The following RNF216 variants were observed in gnomAD, a reference collection of about 807,000 sequenced individuals.
RNF216 encodes ring finger protein 216, also known as E3 ubiquitin-protein ligase RNF216.
In RNF216, 72 loss-of-function variants were observed where a neutral mutation model predicts 110.8. The ratio of observed to expected loss-of-function variants is 0.65; its 90% confidence interval spans 0.54 to 0.79. The LOEUF (loss-of-function observed/expected upper bound fraction) is 0.79, where lower values mean the gene tolerates loss of function less well. RNF216 is among the 30% of genes least tolerant of loss of function. The pLI, the probability that RNF216 is intolerant of heterozygous loss-of-function variation, is 0.00. For missense variants in RNF216, 1,342 were observed against 1,141.2 expected (o/e 1.18, Z -2.54); for synonymous variants, 495 against 407.5 (o/e 1.21, Z -2.59).
chr7:5,664,296 G>T (rs776454316), intron 13 of RNF216, among the ~76,000 whole-genome samples: 1 of 152,074 alleles, frequency 6.6e-6, no homozygotes, highest in Non-Finnish European at 1.5e-5. Flanking sequence ...GACCCTTTCA[G>T]GTTAATTCAT....
chr7:5,710,964 A>T (rs1195931822), intron 13 of RNF216, among the ~76,000 whole-genome samples: 1 of 152,228 alleles, frequency 6.6e-6, no homozygotes, highest in Non-Finnish European at 1.5e-5. Flanking sequence ...TAATGCTGAA[A>T]ACAAAAGAAA....
chr7:5,678,797 T>C (rs1790470112), intron 13 of RNF216, among the ~76,000 whole-genome samples: 1 of 152,182 alleles, frequency 6.6e-6, no homozygotes, highest in African/African-American at 2.4e-5. Context: ...ACGGAGCAGA[T>C]TTCTCGACTC....
Position 5,715,151 on chromosome 7 carries a change from A to C in RNF216, c.1735T>G (p.Phe579Val). Reference sequence around the variant, plus strand: ...CACTGCGTCAGCTCCTCGAATGGAAATTCCCCATAGCAGCAGCGACACTCA... The same window carrying C: ...CACTGCGTCAGCTCCTCGAATGGAACTTCCCCATAGCAGCAGCGACACTCA... ...LIECRCCYGE[F>V]PFEELTQCAD... is the part of the protein sequence containing the mutation. The change falls in exon 11 of 17, where the codon TTT (phenylalanine) becomes GTT (valine). Residue 579 changes from phenylalanine (F) to valine (V), a missense_variant. Transcript: ENST00000389902. 6.2e-7 allele frequency: 1 copy of C among 1,613,856 alleles called. No homozygotes were observed. The highest frequency in any genetic ancestry group is 8.5e-7 in the Non-Finnish European group (1 of 1,180,012).
intron 10 of RNF216, among the ~76,000 whole-genome samples, chr7:5,715,688 T>C (rs1297811990): frequency 2.0e-5 from 3 of 152,032 alleles, no homozygotes; most frequent in South Asian, 2.1e-4. Flanking sequence ...TACCAGGCTA[T>C]TGACTCCTTT....
chr7:5,713,710 C>G (rs1792865705), intron 11 of RNF216, among the ~76,000 whole-genome samples: 1 of 152,168 alleles, frequency 6.6e-6, no homozygotes, highest in African/African-American at 2.4e-5. Context: ...AGGAATGCTT[C>G]CCACATGAAA....
Position 5,624,796 on chromosome 7 carries a change from G to A in RNF216, c.2383-671C>T, listed in dbSNP as rs1786605208. 6.6e-6 allele frequency among the ~76,000 whole-genome samples: 1 copy of A among 152,242 alleles called. No homozygotes were observed. Among genetic ancestry groups the A allele is most frequent in the African/African-American group, 2.4e-5 (1 of 41,472 alleles). On this transcript the variant is annotated intron_variant, in intron 15 of 16. Transcript: ENST00000389902. This position sits in a 1 kb window ranked among gnomAD's most constrained non-coding sequence, Gnocchi z 4.4. ...GAACCGAAGAGGCACTGTGAGTGCAGGCAGATGTGGGAGCTGTGCTGGGAA... is the reference window on the plus strand; with the variant it reads ...GAACCGAAGAGGCACTGTGAGTGCAAGCAGATGTGGGAGCTGTGCTGGGAA...
At chr7:5,773,073 C>G (rs1241227559) in intron 1 of RNF216, among the ~76,000 whole-genome samples, 1 of 152,098 alleles carries the variant, frequency 6.6e-6, no homozygotes, top group Non-Finnish European at 1.5e-5. Flanking sequence ...AGCCACCATG[C>G]CTGGCCCCAG....
intron 13 of RNF216, among the ~76,000 whole-genome samples, chr7:5,697,508 G>T (rs1048186733): frequency 6.6e-6 from 1 of 152,182 alleles, no homozygotes; most frequent in African/African-American, 2.4e-5. Flanking sequence ...AACCCTCATT[G>T]GCCTCTTCTG....
intron 15 of RNF216, among the ~76,000 whole-genome samples, chr7:5,640,329 A>C (rs970741214): frequency 1.3e-5 from 2 of 152,164 alleles, no homozygotes; most frequent in African/African-American, 4.8e-5. Flanking sequence ...TATAAAAGTC[A>C]TTCCCTTCAT....
At chr7:5,742,808 C>A (rs995047362) in intron 3 of RNF216, among the ~76,000 whole-genome samples, 1 of 152,002 alleles carries the variant, frequency 6.6e-6, no homozygotes, top group East Asian at 2.0e-4. Context: ...GTTGGCCAGG[C>A]TGGTCTTGAA....
intron 13 of RNF216, among the ~76,000 whole-genome samples, chr7:5,657,999 A>G (rs531205790): frequency 8.5e-5 from 13 of 152,338 alleles, no homozygotes; most frequent in African/African-American, 2.9e-4. Context: ...AGAGTTACAT[A>G]TCGGGGCAAA....
chr7:5,655,454 T>G (rs1788678090), intron 13 of RNF216, among the ~76,000 whole-genome samples: 1 of 152,068 alleles, frequency 6.6e-6, no homozygotes, highest in African/African-American at 2.4e-5. Context: ...AAAAATTAGC[T>G]GGACGTGGTG....
At chr7:5,623,263 G>C (rs537001691) in intron 16 of RNF216, 84 bp from the exon 17 acceptor site, 19 of 1,279,946 alleles carry the variant, frequency 1.5e-5, no homozygotes, top group South Asian at 1.2e-4. Context: ...AGCGACCTCT[G>C]GACACGGGAG....
intron 13 of RNF216, among the ~76,000 whole-genome samples, chr7:5,660,079 C>T (rs184353970): frequency 3.3e-5 from 5 of 151,062 alleles, no homozygotes; most frequent in Admixed American, 2.0e-4. Flanking sequence ...CTCTATCTTC[C>T]GAGTAGCTCG....
rs111766771 is a variant in RNF216 at position 5,750,324 on chromosome 7, A to AT, written c.201+2521dup. 2.2e-3 allele frequency among the ~76,000 whole-genome samples: 339 copies of AT among 152,330 alleles called. 3 individuals are homozygous for AT. Among genetic ancestry groups the AT allele is most frequent in the Middle Eastern group, 0.01 (3 of 294 alleles). The stretch of plus-strand genomic sequence containing the variant: ...CCTGGTTTGGTTTCCTAGCAGAGAC[A>AT]TTTTTTAAAGACCAATTTGAGATTC... On this transcript the variant is annotated intron_variant, in intron 3 of 16. Coordinates refer to ENST00000389902, the MANE Select transcript of RNF216 (RefSeq NM_207111.4).
intron 14 of RNF216, among the ~76,000 whole-genome samples, chr7:5,651,270 C>A (rs575099917): frequency 6.6e-6 from 1 of 151,542 alleles, no homozygotes; most frequent in African/African-American, 2.4e-5. Flanking sequence ...GTCGCCCAGG[C>A]TGTAGTGTTG....
intron 1 of RNF216, among the ~76,000 whole-genome samples, chr7:5,765,199 C>A (rs956770319): frequency 6.6e-6 from 1 of 152,118 alleles, no homozygotes; most frequent in Non-Finnish European, 1.5e-5. Flanking sequence ...TGGTGGCTCA[C>A]GCCTTTAATC....
At chr7:5,641,423 G>A (rs936869717) in intron 14 of RNF216, 47 bp from the exon 15 acceptor site, 24 of 1,454,518 alleles carry the variant, frequency 1.7e-5, no homozygotes, top group African/African-American at 8.5e-5. Context: ...AGATGAGGAG[G>A]AAAAAAATAT....
At position 5,739,355 on chromosome 7, in the gene RNF216, A is replaced by G; in HGVS notation, c.1045-3T>C. On this transcript the variant is annotated splice_region_variant and splice_polypyrimidine_tract_variant and intron_variant, in intron 4 of 16. Coordinates refer to ENST00000389902, the MANE Select transcript of RNF216 (RefSeq NM_207111.4). ...GCTACATCTGGAAATCTTGCTTCCT[A>G]GAAACAAATAAGAACATAATTTATA... 1.3e-6 allele frequency: 2 copies of G among 1,591,946 alleles called. No individual in the cohort carries two copies. The highest frequency in any genetic ancestry group is 2.2e-5 in the East Asian group (1 of 44,726).
Sources: gnomAD v4.1 joint callset for allele counts (sites outside exome capture counted in the v4.1 genomes callset) on GRCh38, gnomAD v4.1.1 for gene constraint, Gnocchi (gnomAD v3.1) non-coding constraint, MANE v1.5 for transcripts, NCBI Gene and HGNC (gene_info 2026-07-23, HGNC 2026-07-21) for gene names.